Variants in FCRL5 observed in about 807,000 individuals in gnomAD.
FCRL5 encodes Fc receptor like 5.
A neutral mutation model predicts 92.1 loss-of-function variants in FCRL5; 79 were observed. That is an observed-to-expected ratio of 0.86 (90% CI 0.72 to 1.03). FCRL5 has a LOEUF of 1.03. Ranked by LOEUF, FCRL5 falls within the 50% of genes least tolerant of loss-of-function variation. The pLI is 0.00. For synonymous variants in FCRL5, 466 were observed against 469.3 expected (o/e 0.99, Z 0.09); for missense variants, 1,160 against 1,181.1 (o/e 0.98, Z 0.26).
At chr1:157,544,206 C>A in intron 5 of FCRL5, 56 bp downstream of exon 5, 1 of 1,589,860 alleles carries the variant, frequency 6.3e-7, no homozygotes. Flanking sequence ...ATATGCAGCC[C>A]TGTCCCACTT....
intron 7 of FCRL5, among the ~76,000 whole-genome samples, chr1:157,538,175 T>C (rs1342400726): frequency 6.6e-6 from 1 of 152,230 alleles, no homozygotes; most frequent in Non-Finnish European, 1.5e-5. Context: ...AGTACTGTTC[T>C]TTTTCTACAT....
intron 6 of FCRL5, among the ~76,000 whole-genome samples, chr1:157,539,918 C>A (rs764289747): frequency 9.2e-5 from 14 of 152,186 alleles, no homozygotes; most frequent in Non-Finnish European, 1.5e-4. Flanking sequence ...AAATTTCTTC[C>A]TTTTTCTCCA....
At chr1:157,520,066 A>G (rs1650106430) in intron 12 of FCRL5, among the ~76,000 whole-genome samples, 1 of 152,230 alleles carries the variant, frequency 6.6e-6, no homozygotes, top group African/African-American at 2.4e-5. Flanking sequence ...GTGTACATTT[A>G]AAAAATCGGA....
intron 2 of FCRL5, chr1:157,547,436 C>T (rs776582960): frequency 3.0e-5 from 21 of 707,910 alleles, no homozygotes; most frequent in Admixed American, 1.5e-4. Context: ...CAGCAGGATT[C>T]GCCATCAAAT....
At chr1:157,535,398 T>C (rs1482687089) in intron 7 of FCRL5, among the ~76,000 whole-genome samples, 5 of 152,250 alleles carry the variant, frequency 3.3e-5, no homozygotes, top group Non-Finnish European at 5.9e-5. Context: ...ACTATCTCCA[T>C]ATAAGAAAAA....
intron 8 of FCRL5, among the ~76,000 whole-genome samples, chr1:157,531,661 A>T (rs1650702168): frequency 6.6e-6 from 1 of 152,174 alleles, no homozygotes; most frequent in African/African-American, 2.4e-5. Context: ...AAATCCTGTG[A>T]TTTGCAGCAA....
intron 2 of FCRL5, among the ~76,000 whole-genome samples, chr1:157,548,195 C>G (rs1336153281): frequency 6.6e-6 from 1 of 152,252 alleles, no homozygotes; most frequent in Non-Finnish European, 1.5e-5. Context: ...TCACCCCTTC[C>G]CCCAGGGAGG....
At chr1:157,530,243 G>A (rs1650636536) in intron 8 of FCRL5, among the ~76,000 whole-genome samples, 1 of 152,002 alleles carries the variant, frequency 6.6e-6, no homozygotes, top group Admixed American at 6.5e-5. Flanking sequence ...TCTTTCTGTG[G>A]TATTACTTAA....
intron 9 of FCRL5, among the ~76,000 whole-genome samples, chr1:157,526,624 T>C (rs975799716): frequency 6.6e-6 from 1 of 152,138 alleles, no homozygotes; most frequent in Admixed American, 6.5e-5. Flanking sequence ...TGTTCACCTA[T>C]GGGGAGGGAA....
intron 2 of FCRL5, chr1:157,547,416 A>T (rs771823929): frequency 4.0e-6 from 3 of 743,538 alleles, no homozygotes; most frequent in Non-Finnish European, 7.4e-6. Flanking sequence ...TGATTTCAGG[A>T]GGGTGACACC....
intron 2 of FCRL5, among the ~76,000 whole-genome samples, chr1:157,548,920 C>A (rs539445939): frequency 6.6e-6 from 1 of 152,252 alleles, no homozygotes; most frequent in South Asian, 2.1e-4. Context: ...TTTGACCCAG[C>A]CATCCCATTA....
At chr1:157,521,769 C>A (rs1191855019) in intron 10 of FCRL5, 1 of 153,950 alleles carries the variant, frequency 6.5e-6, no homozygotes, top group African/African-American at 2.4e-5. Context: ...CCCAACAAAT[C>A]TGCTTCTAGT....
intron 15 of FCRL5, among the ~76,000 whole-genome samples, chr1:157,516,660 A>C (rs1649948454): frequency 6.6e-6 from 1 of 152,226 alleles, no homozygotes; most frequent in African/African-American, 2.4e-5. Flanking sequence ...AGCACATGAT[A>C]GATATTATAA....
chr1:157,519,041 C>T (rs529258371), intron 13 of FCRL5: 2 of 303,018 alleles, frequency 6.6e-6, no homozygotes, highest in African/African-American at 2.2e-5. Context: ...ATTTCATCCT[C>T]GTTTTAGCTG....
At chr1:157,547,755 A>G (rs1651624975) in intron 2 of FCRL5, among the ~76,000 whole-genome samples, 1 of 152,190 alleles carries the variant, frequency 6.6e-6, no homozygotes, top group Non-Finnish European at 1.5e-5. Flanking sequence ...GGTGACCAGG[A>G]CAAAGTTACA....
intron 7 of FCRL5, among the ~76,000 whole-genome samples, chr1:157,537,516 CG>C (rs1558136453): frequency 1.3e-5 from 2 of 152,268 alleles, no homozygotes; most frequent in East Asian, 3.9e-4. Flanking sequence ...AATTTCGCCC[CG>C]GTCCTGTGGT....
intron 1 of FCRL5, among the ~76,000 whole-genome samples, chr1:157,550,797 AAG>A (rs1651777239): frequency 6.6e-6 from 1 of 152,232 alleles, no homozygotes; most frequent in Non-Finnish European, 1.5e-5. Context: ...ATGGGTAATG[AAG>A]AGAGAGAGGA....
At chr1:157,548,125 G>T (rs1008926232) in intron 2 of FCRL5, among the ~76,000 whole-genome samples, 1 of 152,178 alleles carries the variant, frequency 6.6e-6, no homozygotes, top group South Asian at 2.1e-4. Flanking sequence ...GGCTAAATGG[G>T]GTCTGTTGGC....
chr1:157,551,314 C>T (rs7527521), intron 1 of FCRL5, among the ~76,000 whole-genome samples: 35,654 of 152,110 alleles, frequency 0.23, 4,400 homozygotes, highest in Middle Eastern at 0.37. Flanking sequence ...TGGGGCCACA[C>T]TGAGATGTAT....
Sources: allele counts gnomAD v4.1 joint callset (sites outside exome capture counted in the v4.1 genomes callset), GRCh38; gene constraint gnomAD v4.1.1; transcripts MANE v1.5; gene names NCBI Gene and HGNC (gene_info 2026-07-23, HGNC 2026-07-21).